Variants in RALYL observed in about 807,000 individuals in gnomAD.
The protein encoded by RALYL is RNA-binding Raly-like protein.
Under a neutral mutation model 35.1 loss-of-function variants are expected in RALYL, and 29 were observed. The observed-to-expected ratio is 0.83, with a 90% CI of 0.61 to 1.13. The LOEUF (loss-of-function observed/expected upper bound fraction) is 1.13. Ranked by LOEUF, RALYL falls within the 50% of genes most tolerant of loss-of-function variation. The pLI, the probability that RALYL is intolerant of heterozygous loss-of-function variation, is 0.00. For synonymous variants in RALYL, 120 were observed against 127.6 expected, an observed-to-expected ratio of 0.94 and a Z score of 0.40; for missense variants, 359 against 360.4, an observed-to-expected ratio of 1.00 and a Z score of 0.03.
At chr8:84,531,909 GA>G (rs1444916266) in intron 2 of RALYL, among the ~76,000 whole-genome samples, 1 of 151,926 alleles carries the variant, frequency 6.6e-6, no homozygotes, top group African/African-American at 2.4e-5. Flanking sequence ...AAAAAATGAT[GA>G]CACCAAATTG....
chr8:84,497,591 A>C lies in RALYL; in HGVS notation c.-23-31708A>C, dbSNP rs2056170798. On this transcript the variant is annotated intron_variant, in intron 1 of 8. Transcript: ENST00000521268. ...TTTTTTCATACACACAATTTCAGAA[A>C]TGGAAATGAATGATTTTTAAGGTTT... Among the ~76,000 whole-genome samples the C allele has an allele frequency of 3.3e-5, 5 of 151,288 alleles. No individual in the cohort carries two copies. In the South Asian group the frequency reaches 1.0e-3, roughly 32 times the overall value.
At chr8:84,763,467 A>G (rs1344639401) in intron 2 of RALYL, among the ~76,000 whole-genome samples, 1 of 152,168 alleles carries the variant, frequency 6.6e-6, no homozygotes, top group Non-Finnish European at 1.5e-5. Context: ...GAGATTTTTC[A>G]CCATGTGATT....
At chr8:84,595,650 TA>T (rs1814329001) in intron 2 of RALYL, among the ~76,000 whole-genome samples, 1 of 151,754 alleles carries the variant, frequency 6.6e-6, no homozygotes, top group Non-Finnish European at 1.5e-5. Context: ...CCTCTACAAA[TA>T]GGTCACAATA....
intron 5 of RALYL, among the ~76,000 whole-genome samples, chr8:84,850,479 A>T (rs1835616696): frequency 6.6e-6 from 1 of 152,240 alleles, no homozygotes; most frequent in East Asian, 1.9e-4. Context: ...GGAGGCCACA[A>T]AGGTGATGAT....
intron 2 of RALYL, among the ~76,000 whole-genome samples, chr8:84,636,805 G>A (rs1365728643): frequency 6.6e-6 from 1 of 151,812 alleles, no homozygotes; most frequent in Non-Finnish European, 1.5e-5. Flanking sequence ...TCAAATGTGA[G>A]GAGGGAAACC....
At chr8:84,759,321 A>G (rs1409393433) in intron 2 of RALYL, among the ~76,000 whole-genome samples, 1 of 152,112 alleles carries the variant, frequency 6.6e-6, no homozygotes, top group African/African-American at 2.4e-5. Flanking sequence ...TTGTGGATAT[A>G]TTTTTTAAAC....
chr8:84,436,853 A>AATTT (rs1016150596), intron 1 of RALYL, among the ~76,000 whole-genome samples: 2 of 151,478 alleles, frequency 1.3e-5, no homozygotes, highest in Non-Finnish European at 2.9e-5. Flanking sequence ...CCCTCTAAAC[A>AATTT]ATTTATTTAT....
At chr8:84,206,709 G>A (rs115002419) in intron 1 of RALYL, among the ~76,000 whole-genome samples, 2,934 of 152,224 alleles carry the variant, frequency 0.019, 33 homozygotes, top group African/African-American at 0.033. Flanking sequence ...CTGGGAATAA[G>A]GAATTGTGGG....
chr8:84,279,931 T>C (rs1384322568), intron 1 of RALYL, among the ~76,000 whole-genome samples: 1 of 152,184 alleles, frequency 6.6e-6, no homozygotes, highest in Non-Finnish European at 1.5e-5. Context: ...TTACAGGTTC[T>C]TGGGGTGAGG....
rs576600914 is a variant in RALYL, at chr8:84,533,502, C to T, written c.256+3925C>T. ...CATTTGCAATGTCTTTCTTTATATT[C>T]GGATTATTTTACTGTTACAATGCTT... On this transcript the variant is annotated intron_variant, in intron 2 of 8. Transcript: ENST00000521268. Among the ~76,000 whole-genome samples the T allele has an allele frequency of 2.8e-4, 43 of 152,126 alleles. No individual in the cohort carries two copies. In the Middle Eastern group the frequency reaches 0.01, roughly 36 times the overall value.
intron 2 of RALYL, among the ~76,000 whole-genome samples, chr8:84,548,285 C>T (rs1564125174): frequency 6.6e-6 from 1 of 151,894 alleles, no homozygotes; most frequent in Admixed American, 6.6e-5. Flanking sequence ...CATAGGCTTT[C>T]TTTATGAAAT....
At chr8:84,563,416 A>G (rs2061585127) in intron 2 of RALYL, among the ~76,000 whole-genome samples, 1 of 151,898 alleles carries the variant, frequency 6.6e-6, no homozygotes, top group African/African-American at 2.4e-5. Flanking sequence ...GAGGAGGCAG[A>G]CTATTACATT....
intron 1 of RALYL, among the ~76,000 whole-genome samples, chr8:84,344,110 T>C (rs1422825287): frequency 6.6e-6 from 1 of 152,036 alleles, no homozygotes; most frequent in Non-Finnish European, 1.5e-5. Flanking sequence ...TTTATAAAGT[T>C]ATTTGTCACA....
intron 2 of RALYL, among the ~76,000 whole-genome samples, chr8:84,556,686 C>A (rs1588160062): frequency 6.6e-6 from 1 of 152,086 alleles, no homozygotes; most frequent in African/African-American, 2.4e-5. Flanking sequence ...GCTAATAGAA[C>A]ACAAGTGAAC....
chr8:84,636,055 G>C (rs183279204), intron 2 of RALYL, among the ~76,000 whole-genome samples: 47 of 151,830 alleles, frequency 3.1e-4, no homozygotes, highest in African/African-American at 9.6e-4. Flanking sequence ...ATAATGTAAA[G>C]TGTCATTTTC....
At chr8:84,672,221 A>C (rs1833401189) in intron 2 of RALYL, among the ~76,000 whole-genome samples, 2 of 152,250 alleles carry the variant, frequency 1.3e-5, no homozygotes, top group African/African-American at 4.8e-5. Context: ...CTTTTACTCC[A>C]TTTCCCAACA....
At chr8:84,575,065 T>C (rs1201384873) in intron 2 of RALYL, among the ~76,000 whole-genome samples, 2 of 152,066 alleles carry the variant, frequency 1.3e-5, no homozygotes. Context: ...TTTTGAATTA[T>C]AAAAGCAAAA....
chr8:84,715,108 T>A (rs1564421254), intron 2 of RALYL, among the ~76,000 whole-genome samples: 1 of 152,010 alleles, frequency 6.6e-6, no homozygotes, highest in African/African-American at 2.4e-5. Flanking sequence ...ATTTGAATTC[T>A]AATTTTACAT....
intron 1 of RALYL, among the ~76,000 whole-genome samples, chr8:84,436,104 T>G (rs1191730479): frequency 1.3e-5 from 2 of 152,058 alleles, no homozygotes. Context: ...GTAAAAAAAT[T>G]AGAGATTCCC....
Sources: gnomAD v4.1 joint callset for allele counts (sites outside exome capture counted in the v4.1 genomes callset) on GRCh38, gnomAD v4.1.1 for gene constraint, MANE v1.5 for transcripts, NCBI Gene and HGNC (gene_info 2026-07-23, HGNC 2026-07-21) for gene names.